NCOR2: variants seen among roughly 807,000 people sequenced by gnomAD.
NCOR2 encodes CTG repeat protein 26.
NCOR2 carries 81 observed loss-of-function variants against 262.9 expected under a neutral mutation model. The observed-to-expected ratio is 0.31, with a 90% CI of 0.26 to 0.37. NCOR2 has a LOEUF of 0.37. Among genes scored for constraint, NCOR2 ranks in the 10% least tolerant of loss-of-function variants. The probability of loss-of-function intolerance (pLI) is 1.00; values close to 1 mark genes in which losing one functional copy is unlikely to be tolerated. For synonymous variants in NCOR2, 1,659 were observed against 1,559.3 expected, an observed-to-expected ratio of 1.06 and a Z score of -1.51; for missense variants, 3,385 against 3,621.4, an observed-to-expected ratio of 0.93 and a Z score of 1.68.
intron 20 of NCOR2, among the ~76,000 whole-genome samples, chr12:124,364,794 G>T (rs1179969329): frequency 6.6e-6 from 1 of 152,216 alleles, no homozygotes; most frequent in Non-Finnish European, 1.5e-5. Context: ...GGCTGCCCGG[G>T]GCTGCCCAGT....
At chr12:124,453,002 T>C (rs2045639735) in intron 6 of NCOR2, among the ~76,000 whole-genome samples, 1 of 152,076 alleles carries the variant, frequency 6.6e-6, no homozygotes, top group South Asian at 2.1e-4. Context: ...GGCCCAGAGC[T>C]GCCTGGAATG....
intron 1 of NCOR2, among the ~76,000 whole-genome samples, chr12:124,505,151 C>T (rs1410464850): frequency 6.6e-6 from 1 of 152,208 alleles, no homozygotes. Context: ...GCCACGTCCC[C>T]TCCTACTCAG....
At chr12:124,498,792 G>A (rs1426353023), upstream of NCOR2, among the ~76,000 whole-genome samples, 2 of 152,172 alleles carry the variant, frequency 1.3e-5, no homozygotes, top group Non-Finnish European at 1.5e-5. Context: ...CTACGATGGA[G>A]TATTACTCAG....
upstream of NCOR2, chr12:124,537,760 C>A (rs1393889250): frequency 2.0e-5 from 3 of 152,294 alleles, no homozygotes; most frequent in African/African-American, 7.2e-5. Context: ...GCCTGGCAGG[C>A]CCTCAGGCCC....
At chr12:124,350,823 C>T (rs1404168723) in intron 27 of NCOR2, 86 bp from the exon 30 acceptor site, 2 of 1,430,408 alleles carry the variant, frequency 1.4e-6, no homozygotes, top group African/African-American at 1.4e-5. Context: ...TGCTTAAAAG[C>T]CCATGTGCCC....
chr12:124,339,935 C>T, intron 37 of NCOR2, 71 bp downstream of exon 39: 3 of 1,294,480 alleles, frequency 2.3e-6, no homozygotes, highest in Non-Finnish European at 2.1e-6. Context: ...CAAGCATCCT[C>T]TTATCTGCTC....
At chr12:124,399,142 C>A (rs923358489) in intron 15 of NCOR2, among the ~76,000 whole-genome samples, 4 of 152,032 alleles carry the variant, frequency 2.6e-5, no homozygotes, top group Admixed American at 1.3e-4. Flanking sequence ...ACGGCCCCCA[C>A]CCCCATGGGC....
At chr12:124,334,675 G>A in intron 40 of NCOR2, 58 bp from the exon 43 acceptor site, 1 of 886,092 alleles carries the variant, frequency 1.1e-6, no homozygotes, top group South Asian at 2.1e-5. Context: ...GAACCTTCTG[G>A]GGGTGGGGAG....
rs920727237 is a variant in NCOR2 at position 124,389,343 on chromosome 12, A to T, written c.1877-3456T>A. Reference sequence around the variant, plus strand: ...AGGACTGAATGTGACCTCCAGACGGAGGCTCGCGGCGGGCGGGCAGGCGGG... The same window carrying T: ...AGGACTGAATGTGACCTCCAGACGGTGGCTCGCGGCGGGCGGGCAGGCGGG... On this transcript the variant is annotated intron_variant, in intron 16 of 46. Coordinates refer to ENST00000405201, the Ensembl canonical transcript of NCOR2. This position sits in a 1 kb window ranked among gnomAD's most constrained non-coding sequence, Gnocchi z 4.4. Among the ~76,000 whole-genome samples, 1 of 151,836 alleles carries T rather than the reference A, an allele frequency of 6.6e-6. No individual in the cohort carries two copies. Among genetic ancestry groups the T allele is most frequent in the African/African-American group, 2.4e-5 (1 of 41,302 alleles).
At chr12:124,344,569 C>A in intron 32 of NCOR2, 28 bp downstream of exon 34, 1 of 1,422,708 alleles carries the variant, frequency 7.0e-7, no homozygotes, top group Non-Finnish European at 9.2e-7. Context: ...GCGCCCACCC[C>A]ACTCACGCCC....
intron 1 of NCOR2, among the ~76,000 whole-genome samples, chr12:124,532,543 C>T (rs78407684): frequency 0.056 from 8,563 of 152,304 alleles, 303 homozygotes; most frequent in East Asian, 0.11. Flanking sequence ...CCCACTCCAC[C>T]GTCTGTCTGC....
rs1374333781 is a variant in NCOR2 at position 124,503,381 on chromosome 12, G to A, written c.-117-8013C>T. On this transcript the variant is annotated intron_variant, in intron 1 of 46. Transcript: ENST00000404621. The surrounding 1 kb of genome is among the most constrained non-coding windows in gnomAD (Gnocchi z 4.3). Reference sequence around the variant, plus strand: ...AGAGGGATAGAGATGGGAGGATGGAGGAGAAAGGAGGAAGGGAGGGAGGAA... The same window carrying A: ...AGAGGGATAGAGATGGGAGGATGGAAGAGAAAGGAGGAAGGGAGGGAGGAA... Among the ~76,000 whole-genome samples the A allele has an allele frequency of 6.6e-6, 1 of 152,290 alleles. No individual in the cohort carries two copies. The highest frequency in any genetic ancestry group is 1.5e-5 in the Non-Finnish European group (1 of 68,014).
intron 1 of NCOR2, among the ~76,000 whole-genome samples, chr12:124,501,057 C>CGT (rs1491329640): frequency 2.3e-5 from 1 of 43,362 alleles, no homozygotes; most frequent in Non-Finnish European, 5.2e-5. Context: ...CGCGCGCGCA[C>CGT]GCGCGCACAC....
chr12:124,378,503 A>C lies in NCOR2; in HGVS notation c.2020-119T>G, dbSNP rs2040185094. 1.9e-6 allele frequency: 2 copies of C among 1,060,318 alleles called. No homozygotes were observed. The highest frequency in any genetic ancestry group is 1.6e-5 in the African/African-American group (1 of 62,508). 65.7% of individuals were successfully genotyped at this position (1,060,318 alleles called of 1,614,324 possible). A position where few individuals can be genotyped will look rare whatever the true frequency, so the allele number is the denominator to read the frequency against. ...CAGTGATCCCGGCCATGTAGCAATG[A>C]GGGTGACCGTCCCCCTCACACCCCA... On this transcript the variant is annotated intron_variant, in intron 17 of 46. Coordinates refer to ENST00000405201, the Ensembl canonical transcript of NCOR2. This position sits in a 1 kb window ranked among gnomAD's most constrained non-coding sequence, Gnocchi z 4.2.
exon 28 of NCOR2, chr12:124,350,594 G>C (rs1158177233): frequency 6.2e-7 from 1 of 1,613,504 alleles, no homozygotes; most frequent in Admixed American, 1.7e-5. Context: ...CACCCTCATA[G>C]GACAAGACGT....
chr12:124,470,965 C>T (rs2136685834), intron 4 of NCOR2, among the ~76,000 whole-genome samples: 1 of 152,354 alleles, frequency 6.6e-6, no homozygotes, highest in East Asian at 1.9e-4. Flanking sequence ...CAAGGCCAGG[C>T]CTGGAAGCCT....
exon 17 of NCOR2, chr12:124,385,857 G>C: frequency 6.2e-7 from 1 of 1,613,786 alleles, no homozygotes; most frequent in South Asian, 1.1e-5. Flanking sequence ...CCGGGCGATG[G>C]CCGACCAGTT....
intron 17 of NCOR2, among the ~76,000 whole-genome samples, chr12:124,383,203 T>C (rs1295044363): frequency 6.6e-6 from 1 of 152,120 alleles, no homozygotes; most frequent in Non-Finnish European, 1.5e-5. Context: ...TCCATTATTG[T>C]CCCCATTTCA....
At chr12:124,524,379 C>T (rs912243127) in intron 1 of NCOR2, among the ~76,000 whole-genome samples, 5 of 152,194 alleles carry the variant, frequency 3.3e-5, no homozygotes, top group African/African-American at 1.2e-4. Flanking sequence ...TTGGCCACCT[C>T]CTCTTGCTGT....
Sources: allele counts gnomAD v4.1 joint callset (sites outside exome capture counted in the v4.1 genomes callset), GRCh38; gene constraint gnomAD v4.1.1; non-coding constraint Gnocchi (gnomAD v3.1); transcripts MANE v1.5; gene names NCBI Gene and HGNC (gene_info 2026-07-23, HGNC 2026-07-21).